Variants in TRMT44 observed in about 807,000 individuals in gnomAD.
TRMT44 encodes the protein tRNA methyltransferase 44 homolog.
In TRMT44, 78 loss-of-function variants were observed where a neutral mutation model predicts 77.3. That is an observed-to-expected ratio of 1.01 (90% confidence interval 0.84 to 1.22). TRMT44 has a LOEUF of 1.22. Among genes scored for constraint, TRMT44 ranks in the 50% most tolerant of loss-of-function variants. The pLI, the probability that TRMT44 is intolerant of heterozygous loss-of-function variation, is 0.00. For synonymous variants in TRMT44, 391 were observed against 383.3 expected (o/e 1.02, Z -0.23); for missense variants, 1,090 against 964.4 (o/e 1.13, Z -1.73).
rs112701299 is a variant in TRMT44 at position 8,487,523 on chromosome 4, G to T, written n.3892-5743G>T. 8.4e-3 allele frequency among the ~76,000 whole-genome samples: 1,270 copies of T among 151,968 alleles called. 4 individuals carry two copies. Among genetic ancestry groups the T allele is most frequent in the South Asian group, 0.033 (157 of 4,782 alleles). ...GTCGGGGTGCAGAAATAAGGGATTG[G>T]GGTGTAGAGGTAAGAGGTCGGGCCA... On this transcript the variant is annotated intron_variant and non_coding_transcript_variant, in intron 2 of 2. Transcript: ENST00000511366.
At position 8,441,194 on chromosome 4, in the gene TRMT44, C is replaced by T. The variant is rs1209720462; in HGVS notation, c.372C>T (p.Ser124=). 9 of 1,534,550 alleles carry T rather than the reference C, an allele frequency of 5.9e-6. No homozygotes were observed. The highest frequency in any genetic ancestry group is 7.9e-6 in the Non-Finnish European group (9 of 1,146,094). The change falls in exon 1 of 11, where the codon TCC becomes TCT. Residue 124 remains serine, a synonymous_variant. Coordinates refer to ENST00000389737, the MANE Select transcript of TRMT44 (RefSeq NM_152544.3). ...REAASVPLRD[S]GHPGHAEGRE... The stretch of plus-strand genomic sequence containing the variant: ...CCGCCTCAGTGCCCCTGAGGGACTC[C>T]GGGCACCCCGGCCATGCTGAAGGAA...
intron 6 of TRMT44, among the ~76,000 whole-genome samples, chr4:8,458,464 C>CTTT (rs56203512): frequency 2.3e-5 from 3 of 130,330 alleles, no homozygotes; most frequent in African/African-American, 5.7e-5. Context: ...CTTTTCTTTT[C>CTTT]TTTTTTTTTT....
intron 2 of TRMT44, among the ~76,000 whole-genome samples, chr4:8,448,256 G>A (rs970043956): frequency 1.3e-5 from 2 of 152,144 alleles, no homozygotes; most frequent in African/African-American, 4.8e-5. Context: ...GTGCTTCTTC[G>A]CAGCTGGATT....
chr4:8,474,702 C>T (rs1461795222), intron 10 of TRMT44, among the ~76,000 whole-genome samples: 1 of 152,214 alleles, frequency 6.6e-6, no homozygotes, highest in Admixed American at 6.5e-5. Context: ...AGCCTTCTGT[C>T]GTGAGCGGTT....
At chr4:8,514,251 C>CTTT in the TRMT44 span, among the ~76,000 whole-genome samples, 187 of 114,222 alleles carry the variant, frequency 1.6e-3, 1 homozygote, top group African/African-American at 4.1e-3. Context: ...GGGCTCTGAT[C>CTTT]TTTTTTTTTT....
In TRMT44 at chr4:8,449,844, AAGGCTT is replaced by A; in HGVS notation, c.912_917del (p.Lys304_Tyr306delinsAsn). ...CCTCATCTCCATTATGAAGTATAGCAAGGCTTACCAGGAACTTAAAGAGAAGTATAA... is the reference window on the plus strand; with the variant it reads ...CCTCATCTCCATTATGAAGTATAGCAACCAGGAACTTAAAGAGAAGTATAA... On this transcript the variant is annotated inframe_deletion, in exon 3 of 11. Coordinates refer to ENST00000389737, the MANE Select transcript of TRMT44 (RefSeq NM_152544.3). 1 of 1,535,708 alleles carries A rather than the reference AAGGCTT, an allele frequency of 6.5e-7. No individual in the cohort carries two copies. Among genetic ancestry groups the A allele is most frequent in the East Asian group, 2.4e-5 (1 of 40,898 alleles).
At position 8,451,981 on chromosome 4, in the gene TRMT44, C is replaced by T; in HGVS notation, c.976C>T (p.Pro326Ser). ...MVKVWPEVTDPEKFVYEDVAI... is the reference protein window; with the variant it reads ...MVKVWPEVTDSEKFVYEDVAI... ...TTAGGTGTGGCCTGAAGTCACTGAT[C>T]CTGAGAAGTTCGTGTATGAAGATGT... The change falls in exon 4 of 11, where the codon CCT becomes TCT. Residue 326 changes from proline to serine, a missense_variant. By Grantham distance (74) the Pro-to-Ser change is moderately conservative (BLOSUM62 -1). Transcript: ENST00000389737. This position sits in a 1 kb window ranked among gnomAD's most constrained non-coding sequence, Gnocchi z 4.1. 3 of 1,536,758 alleles carry T rather than the reference C, an allele frequency of 2.0e-6. No individual in the cohort carries two copies. Among genetic ancestry groups the T allele is most frequent in the Non-Finnish European group, 2.6e-6 (3 of 1,147,034 alleles).
At chr4:8,471,279 G>A in intron 10 of TRMT44, 79 bp downstream of exon 10, 1 of 1,081,154 alleles carries the variant, frequency 9.2e-7, no homozygotes, top group Non-Finnish European at 1.3e-6. Flanking sequence ...TTATTTTAGA[G>A]TGGTTTAGAC....
chr4:8,462,680 G>A (rs896475119), intron 6 of TRMT44, among the ~76,000 whole-genome samples: 3 of 152,206 alleles, frequency 2.0e-5, no homozygotes, highest in Admixed American at 6.5e-5. Context: ...ACTCCAGCCT[G>A]GTGACGGAGC....
At chr4:8,514,413 A>G in the TRMT44 span, among the ~76,000 whole-genome samples, 4 of 151,894 alleles carry the variant, frequency 2.6e-5, no homozygotes, top group African/African-American at 9.7e-5. Flanking sequence ...AGCTGGGATC[A>G]CAGGCGCCCG....
chr4:8,491,267 G>C (rs1727994489), intron 2 of TRMT44, among the ~76,000 whole-genome samples: 1 of 152,240 alleles, frequency 6.6e-6, no homozygotes, highest in Non-Finnish European at 1.5e-5. Context: ...ACAGGGTGCT[G>C]ATTGGTGTGT....
chr4:8,509,122 A>G, the TRMT44 span: 1 of 152,124 alleles, frequency 6.6e-6, no homozygotes. Context: ...TAACCAAAAA[A>G]CATCAGGACA....
In TRMT44 at chr4:8,446,372, G is replaced by A; in HGVS notation, c.620-104G>A. Reference sequence around the variant, plus strand: ...GTGCCATTGTGAATAGAGTGCTGGGGGATTGAAAGCATCGTGCTTGACTCA... The same window carrying A: ...GTGCCATTGTGAATAGAGTGCTGGGAGATTGAAAGCATCGTGCTTGACTCA... On this transcript the variant is annotated intron_variant, in intron 1 of 10. Coordinates refer to ENST00000389737, the MANE Select transcript of TRMT44 (RefSeq NM_152544.3). The surrounding 1 kb of genome is among the most constrained non-coding windows in gnomAD (Gnocchi z 4.3). 1.4e-6 allele frequency: 1 copy of A among 712,930 alleles called. No individual in the cohort carries two copies. Among genetic ancestry groups the A allele is most frequent in the Admixed American group, 2.3e-5 (1 of 42,554 alleles). The allele number at this position is 712,930 out of a possible 1,614,324, so 44.2% of individuals were successfully genotyped here.
At chr4:8,500,311 G>A in the TRMT44 span, among the ~76,000 whole-genome samples, 1 of 152,068 alleles carries the variant, frequency 6.6e-6, no homozygotes, top group Non-Finnish European at 1.5e-5. Context: ...GGCCAATATC[G>A]TGTAACCCTA....
the TRMT44 span, among the ~76,000 whole-genome samples, chr4:8,502,833 G>A: frequency 6.6e-6 from 1 of 152,218 alleles, no homozygotes; most frequent in Admixed American, 6.5e-5. Context: ...ACTCAGGGGA[G>A]ATTAATCAAA....
intron 6 of TRMT44, among the ~76,000 whole-genome samples, chr4:8,460,021 G>A (rs1437445118): frequency 6.6e-6 from 1 of 152,186 alleles, no homozygotes; most frequent in East Asian, 1.9e-4. Context: ...ATTCCACGCT[G>A]TCAGCCAGCC....
At chr4:8,467,025 G>C (rs1726607677) in intron 8 of TRMT44, among the ~76,000 whole-genome samples, 1 of 152,222 alleles carries the variant, frequency 6.6e-6, no homozygotes, top group African/African-American at 2.4e-5. Flanking sequence ...GAAATGAGGT[G>C]CCCTTGCTGG....
chr4:8,441,757 T>C (rs1410156146), intron 1 of TRMT44, among the ~76,000 whole-genome samples: 2 of 152,074 alleles, frequency 1.3e-5, no homozygotes, highest in African/African-American at 4.8e-5. Flanking sequence ...ACACCACCCG[T>C]AGGGTACTCA....
chr4:8,492,605 C>T (rs561977140), intron 2 of TRMT44, among the ~76,000 whole-genome samples: 1 of 152,142 alleles, frequency 6.6e-6, no homozygotes, highest in Non-Finnish European at 1.5e-5. Flanking sequence ...TTAGGGCAAA[C>T]CTGCCTCTCA....
Sources: gnomAD v4.1 joint callset for allele counts (sites outside exome capture counted in the v4.1 genomes callset) on GRCh38, gnomAD v4.1.1 for gene constraint, Gnocchi (gnomAD v3.1) non-coding constraint, MANE v1.5 for transcripts, NCBI Gene and HGNC (gene_info 2026-07-23, HGNC 2026-07-21) for gene names.